The following ARHGAP20 variants were observed in gnomAD, a reference collection of about 807,000 sequenced individuals.
ARHGAP20 encodes the protein Rho GTPase activating protein 20.
ARHGAP20 carries 34 observed loss-of-function variants against 73.7 expected under a neutral mutation model. That is an observed-to-expected ratio of 0.46 (90% CI 0.35 to 0.61). The LOEUF (loss-of-function observed/expected upper bound fraction) is 0.61. Ranked by LOEUF, ARHGAP20 falls within the 20% of genes least tolerant of loss-of-function variation. The probability of loss-of-function intolerance (pLI) is 0.00; values close to 1 mark genes in which losing one functional copy is unlikely to be tolerated. For synonymous variants in ARHGAP20, 523 were observed against 518.2 expected (o/e 1.01, Z -0.13); for missense variants, 1,314 against 1,420.9 (o/e 0.92, Z 1.21).
At chr11:110,646,024 C>T (rs556190672) in intron 2 of ARHGAP20, among the ~76,000 whole-genome samples, 6 of 152,262 alleles carry the variant, frequency 3.9e-5, no homozygotes, top group Non-Finnish European at 7.4e-5. Context: ...GTACTATGCT[C>T]ACTACCTGGG....
At chr11:110,618,676 G>A (rs1407870848) in intron 4 of ARHGAP20, among the ~76,000 whole-genome samples, 3 of 151,806 alleles carry the variant, frequency 2.0e-5, no homozygotes, top group Non-Finnish European at 4.4e-5. Context: ...CAGTGATAGA[G>A]TATATGCAGT....
At chr11:110,649,223 T>C (rs1949295988) in intron 2 of ARHGAP20, among the ~76,000 whole-genome samples, 1 of 125,718 alleles carries the variant, frequency 8.0e-6, no homozygotes, top group Admixed American at 7.9e-5. Context: ...TTTTTTTTTT[T>C]TGGAGGGGGT....
At chr11:110,682,983 C>G (rs1950064813) in intron 2 of ARHGAP20, among the ~76,000 whole-genome samples, 2 of 142,292 alleles carry the variant, frequency 1.4e-5, no homozygotes, top group African/African-American at 5.6e-5. Context: ...GTCTGTCCCT[C>G]CTCTCAGCAG....
intron 2 of ARHGAP20, among the ~76,000 whole-genome samples, chr11:110,665,419 G>GA (rs1311550482): frequency 1.3e-5 from 2 of 151,814 alleles, no homozygotes; most frequent in Middle Eastern, 3.2e-3. Flanking sequence ...AACAAAATAA[G>GA]AAAAAATATA....
intron 11 of ARHGAP20, chr11:110,589,442 G>T: frequency 1.0e-6 from 1 of 985,428 alleles, no homozygotes; most frequent in Non-Finnish European, 1.2e-6. Flanking sequence ...AGCTGGAGTA[G>T]GGGTATGCAA....
chr11:110,617,240 A>T (rs1349530285), intron 4 of ARHGAP20, among the ~76,000 whole-genome samples: 1 of 150,732 alleles, frequency 6.6e-6, no homozygotes, highest in East Asian at 1.9e-4. Flanking sequence ...TAGATAATTC[A>T]TTCTCTTTTA....
In ARHGAP20 at chr11:110,580,191, T is replaced by C. The variant is rs747331203; in HGVS notation, c.2755A>G (p.Thr919Ala). The change falls in exon 15 of 15, where the codon ACT (threonine) becomes GCT (alanine). Residue 919 changes from threonine to alanine, a missense_variant. Physicochemically the swap from Thr to Ala is moderately conservative, Grantham distance 58. Around this residue, in one of 3 missense-constraint regions of ARHGAP20, gnomAD observed 641 missense variants for 636.9 expected, o/e 1.01. Transcript: ENST00000683387. Reference sequence around the variant, plus strand: ...AATCTTGGGGGTAAAACCTTCTCAGTGTTTTGGTTTGTGGCACTACTCTTG... The same window carrying C: ...AATCTTGGGGGTAAAACCTTCTCAGCGTTTTGGTTTGTGGCACTACTCTTG... ...VGKSSATNQN[T>A]EKVLPPRLNL... 47 of 1,614,030 alleles carry C rather than the reference T, an allele frequency of 2.9e-5. No homozygotes were observed. Among genetic ancestry groups the C allele is most frequent in the Non-Finnish European group, 3.9e-5 (46 of 1,180,040 alleles).
chr11:110,580,382 C>A lies in ARHGAP20; in HGVS notation c.2564G>T (p.Arg855Leu), dbSNP rs148615316. 4.4e-4 allele frequency: 716 copies of A among 1,614,220 alleles called. 1 individual carries two copies. Among genetic ancestry groups the A allele is most frequent in the Non-Finnish European group, 5.0e-4 (594 of 1,180,048 alleles). The change falls in exon 15 of 15, where the codon CGC becomes CTC. Residue 855 changes from arginine (R) to leucine (L), a missense_variant. Arg to Leu is a moderately radical substitution (Grantham distance 102, BLOSUM62 -2). Around this residue, in one of 3 missense-constraint regions of ARHGAP20, gnomAD observed 641 missense variants for 636.9 expected, o/e 1.01. Coordinates refer to ENST00000683387, the MANE Select transcript of ARHGAP20 (RefSeq NM_001384657.1). Reference protein sequence around the residue: ...CSEPNIEDQNRKLTYLRGIYS... With the variant: ...CSEPNIEDQNLKLTYLRGIYS... ...AATTCCCCTGAGATAGGTCAGCTTG[C>A]GGTTCTGGTCTTCTATGTTGGGCTC...
intron 6 of ARHGAP20, among the ~76,000 whole-genome samples, chr11:110,612,543 G>GT: frequency 6.6e-6 from 1 of 152,138 alleles, no homozygotes; most frequent in East Asian, 1.9e-4. Context: ...ATGCTACATT[G>GT]TAAAAAAAAC....
At chr11:110,684,770 TAGC>T (rs1379752436) in intron 2 of ARHGAP20, among the ~76,000 whole-genome samples, 1 of 152,150 alleles carries the variant, frequency 6.6e-6, no homozygotes, top group African/African-American at 2.4e-5. Context: ...ATGTCCTTTG[TAGC>T]AACATGTATG....
intron 2 of ARHGAP20, among the ~76,000 whole-genome samples, chr11:110,642,924 G>T (rs1477920287): frequency 1.3e-5 from 2 of 151,854 alleles, no homozygotes; most frequent in African/African-American, 4.8e-5. Flanking sequence ...GGCTTTTTTT[G>T]GTTGGTAGGT....
At chr11:110,683,697 G>A (rs941170800) in intron 2 of ARHGAP20, among the ~76,000 whole-genome samples, 2 of 152,102 alleles carry the variant, frequency 1.3e-5, no homozygotes, top group East Asian at 1.9e-4. Flanking sequence ...CAATTATTAT[G>A]TGCCAATTTT....
chr11:110,592,193 A>G (rs955475793), intron 9 of ARHGAP20, 38 bp from the exon 10 acceptor site: 4 of 1,567,152 alleles, frequency 2.6e-6, no homozygotes, highest in African/African-American at 2.7e-5. Context: ...AATGAGTTTC[A>G]TTCACTTAAT....
intron 1 of ARHGAP20, among the ~76,000 whole-genome samples, chr11:110,694,148 G>T (rs978262556): frequency 5.9e-5 from 9 of 151,778 alleles, no homozygotes; most frequent in Non-Finnish European, 1.2e-4. Context: ...AATTTTATGT[G>T]AGCTAAGAAA....
At chr11:110,690,741 A>T in intron 1 of ARHGAP20, 112 bp from the exon 2 acceptor site, 1 of 1,060,844 alleles carries the variant, frequency 9.4e-7, no homozygotes, top group Non-Finnish European at 1.4e-6. Context: ...TTTGTCTGTC[A>T]AGGAGCCTAC....
At chr11:110,615,323 T>C (rs1948459517) in intron 5 of ARHGAP20, among the ~76,000 whole-genome samples, 1 of 152,202 alleles carries the variant, frequency 6.6e-6, no homozygotes, top group Admixed American at 6.5e-5. Context: ...ATGATTTAAC[T>C]AGACCTCAAT....
intron 1 of ARHGAP20, among the ~76,000 whole-genome samples, chr11:110,706,553 T>C (rs1352897232): frequency 1.3e-5 from 2 of 152,182 alleles, no homozygotes; most frequent in East Asian, 1.9e-4. Context: ...CATGTTCTGA[T>C]GTTACATTTT....
intron 1 of ARHGAP20, among the ~76,000 whole-genome samples, chr11:110,692,161 G>A (rs1191342978): frequency 6.6e-6 from 1 of 152,020 alleles, no homozygotes. Context: ...ATAATCCTCA[G>A]GAATCTAATA....
At chr11:110,710,777 C>T (rs947825327) in intron 1 of ARHGAP20, among the ~76,000 whole-genome samples, 4 of 152,178 alleles carry the variant, frequency 2.6e-5, no homozygotes, top group Admixed American at 2.6e-4. Flanking sequence ...TTTCTATACT[C>T]GGCACACCGA....
Sources: allele counts gnomAD v4.1 joint callset (sites outside exome capture counted in the v4.1 genomes callset), GRCh38; gene constraint gnomAD v4.1.1; regional missense constraint gnomAD v4.1.1; transcripts MANE v1.5; gene names NCBI Gene and HGNC (gene_info 2026-07-23, HGNC 2026-07-21).